Variants in ENTREP2 observed in about 807,000 individuals in gnomAD.
ENTREP2 encodes the protein endosomal transmembrane epsin interactor 2.
the ENTREP2 span, among the ~76,000 whole-genome samples, chr15:29,125,302 G>C: frequency 6.6e-6 from 1 of 152,210 alleles, no homozygotes; most frequent in African/African-American, 2.4e-5. Context: ...CAGCAGAGGG[G>C]GGTGTTTCAG....
chr15:29,218,846 C>G, the ENTREP2 span, among the ~76,000 whole-genome samples: 1 of 152,158 alleles, frequency 6.6e-6, no homozygotes, highest in Non-Finnish European at 1.5e-5. Flanking sequence ...AATCTAAGAC[C>G]TGAAACTATA....
At chr15:29,432,750 C>T in the ENTREP2 span, among the ~76,000 whole-genome samples, 1 of 152,124 alleles carries the variant, frequency 6.6e-6, no homozygotes, top group African/African-American at 2.4e-5. Flanking sequence ...AGCTTCACCC[C>T]TCCCCTCCTC....
At chr15:29,648,304 T>C in the ENTREP2 span, among the ~76,000 whole-genome samples, 1 of 152,210 alleles carries the variant, frequency 6.6e-6, no homozygotes, top group Non-Finnish European at 1.5e-5. Context: ...AGTGCTTCTG[T>C]AGATATTATC....
chr15:29,352,033 C>T, the ENTREP2 span, among the ~76,000 whole-genome samples: 1 of 152,166 alleles, frequency 6.6e-6, no homozygotes, highest in Non-Finnish European at 1.5e-5. Flanking sequence ...CTCCTGGACT[C>T]AAGCGATCCT....
chr15:29,305,435 G>GT, the ENTREP2 span, among the ~76,000 whole-genome samples: 1 of 152,190 alleles, frequency 6.6e-6, no homozygotes, highest in Non-Finnish European at 1.5e-5. Context: ...GCCAGGGAGA[G>GT]TATTTCAGCT....
chr15:29,158,499 G>A, the ENTREP2 span, among the ~76,000 whole-genome samples: 1,235 of 149,586 alleles, frequency 8.3e-3, 7 homozygotes, highest in Non-Finnish European at 0.014. Flanking sequence ...TCCACCTCCC[G>A]GGTTCAAGGG....
the ENTREP2 span, among the ~76,000 whole-genome samples, chr15:29,463,093 T>C: frequency 6.6e-6 from 1 of 152,042 alleles, no homozygotes; most frequent in African/African-American, 2.4e-5. Flanking sequence ...GAATGGCGAC[T>C]GAGATGGCAG....
the ENTREP2 span, among the ~76,000 whole-genome samples, chr15:29,431,250 C>T: frequency 6.6e-6 from 1 of 152,092 alleles, no homozygotes; most frequent in East Asian, 1.9e-4. Context: ...CATAAATTTC[C>T]CTCCTGCGAT....
At chr15:29,329,322 C>G in the ENTREP2 span, among the ~76,000 whole-genome samples, 1 of 150,680 alleles carries the variant, frequency 6.6e-6, no homozygotes, top group Non-Finnish European at 1.5e-5. Context: ...GCGATCGCAC[C>G]ACTGCACTCC....
chr15:29,163,600 A>G, the ENTREP2 span, among the ~76,000 whole-genome samples: 1 of 152,100 alleles, frequency 6.6e-6, no homozygotes, highest in Non-Finnish European at 1.5e-5. Flanking sequence ...GAATTAACCC[A>G]ATCCCACAAA....
chr15:29,647,169 T>C, the ENTREP2 span, among the ~76,000 whole-genome samples: 1 of 152,228 alleles, frequency 6.6e-6, no homozygotes, highest in South Asian at 2.1e-4. Flanking sequence ...CTCTGGCTGG[T>C]ACATTGCAAT....
chr15:29,636,441 C>A, the ENTREP2 span, among the ~76,000 whole-genome samples: 2 of 152,174 alleles, frequency 1.3e-5, no homozygotes, highest in Non-Finnish European at 2.9e-5. Context: ...CATCAGAGGC[C>A]GCCCTGCAGC....
At chr15:29,359,435 C>T in the ENTREP2 span, among the ~76,000 whole-genome samples, 3 of 152,202 alleles carry the variant, frequency 2.0e-5, no homozygotes, top group African/African-American at 4.8e-5. Flanking sequence ...AACCCCAAGA[C>T]GGAGTCTTGC....
At chr15:29,167,956 C>T in the ENTREP2 span, among the ~76,000 whole-genome samples, 3 of 152,148 alleles carry the variant, frequency 2.0e-5, no homozygotes, top group Non-Finnish European at 2.9e-5. Context: ...GATAAAGGAA[C>T]GGTGGTATAT....
the ENTREP2 span, among the ~76,000 whole-genome samples, chr15:29,479,682 C>CAT: frequency 2.7e-5 from 3 of 109,244 alleles, no homozygotes; most frequent in South Asian, 5.8e-4. Context: ...CACACACATA[C>CAT]ATACACACAC....
chr15:29,234,865 C>A, the ENTREP2 span: 1 of 1,450,394 alleles, frequency 6.9e-7, no homozygotes, highest in South Asian at 1.1e-5. Context: ...CTTGGTGCCC[C>A]GAACGAATTG....
the ENTREP2 span, among the ~76,000 whole-genome samples, chr15:29,138,568 T>TATGTGC: frequency 2.1e-5 from 2 of 93,600 alleles, no homozygotes; most frequent in African/African-American, 5.7e-5. Context: ...TGTGCATGTG[T>TATGTGC]ATGTGCATGT....
At chr15:29,664,632 G>A in the ENTREP2 span, among the ~76,000 whole-genome samples, 16 of 152,154 alleles carry the variant, frequency 1.1e-4, no homozygotes, top group African/African-American at 3.1e-4. Flanking sequence ...ACTCGGACCC[G>A]CATTGGACTG....
chr15:29,646,230 C>T, the ENTREP2 span, among the ~76,000 whole-genome samples: 2 of 152,232 alleles, frequency 1.3e-5, no homozygotes, highest in Non-Finnish European at 2.9e-5. Flanking sequence ...TTGATCACCT[C>T]ACCATTCTGG....
Sources: gnomAD v4.1 joint callset for allele counts (sites outside exome capture counted in the v4.1 genomes callset) on GRCh38, gnomAD v4.1.1 for gene constraint, MANE v1.5 for transcripts, NCBI Gene and HGNC (gene_info 2026-07-23, HGNC 2026-07-21) for gene names.